The following WDR47 variants were observed in gnomAD, a reference collection of about 807,000 sequenced individuals.
The protein encoded by WDR47 is WD repeat-containing protein 47.
Under a neutral mutation model 97.2 loss-of-function variants are expected in WDR47, and 32 were observed. The ratio of observed to expected loss-of-function variants is 0.33; its 90% CI spans 0.25 to 0.44. The LOEUF is 0.44. WDR47 is among the 20% of genes least tolerant of loss of function. The probability of loss-of-function intolerance (pLI) is 1.00; values close to 1 mark genes in which losing one functional copy is unlikely to be tolerated. For missense variants in WDR47, 782 were observed against 1,102.3 expected, an observed-to-expected ratio of 0.71 and a Z score of 4.11; for synonymous variants, 375 against 373.5, an observed-to-expected ratio of 1.00 and a Z score of -0.05.
At chr1:108,982,131 G>GT (rs1658391288) in intron 12 of WDR47, among the ~76,000 whole-genome samples, 1 of 152,110 alleles carries the variant, frequency 6.6e-6, no homozygotes, top group South Asian at 2.1e-4. Context: ...TACAGGGCAA[G>GT]TGGTGGTCTG....
At chr1:108,999,104 G>A (rs778106740) in intron 7 of WDR47, among the ~76,000 whole-genome samples, 5 of 151,998 alleles carry the variant, frequency 3.3e-5, no homozygotes, top group African/African-American at 9.7e-5. Flanking sequence ...GGCAGTGCCT[G>A]TAATTCCAGC....
At position 108,974,533 on chromosome 1, in the gene WDR47, C is replaced by T; in HGVS notation, c.2617+3G>A. On this transcript the variant is annotated splice_donor_region_variant and intron_variant, in intron 14 of 14. Transcript: ENST00000369962. Reference sequence around the variant, plus strand: ...TAAAAACAGAGAAGTCGATCTCAATCACCTTGTAGGTCTGTCACCTTTATT... The same window carrying T: ...TAAAAACAGAGAAGTCGATCTCAATTACCTTGTAGGTCTGTCACCTTTATT... 1.2e-6 allele frequency: 2 copies of T among 1,612,690 alleles called. No homozygotes were observed. Among genetic ancestry groups the T allele is most frequent in the South Asian group, 1.1e-5 (1 of 90,916 alleles).
chr1:109,019,359 G>A (rs1276899663), intron 2 of WDR47, among the ~76,000 whole-genome samples: 1 of 148,304 alleles, frequency 6.7e-6, no homozygotes, highest in African/African-American at 2.5e-5. Context: ...GTCCAGCCTG[G>A]GCGACAGAGT....
chr1:109,008,968 C>A (rs1248855856), intron 5 of WDR47, among the ~76,000 whole-genome samples: 2 of 152,010 alleles, frequency 1.3e-5, no homozygotes, highest in Non-Finnish European at 2.9e-5. Context: ...GCCTGTAATC[C>A]CAGCTACTCG....
At chr1:109,008,701 A>G (rs906807297) in intron 5 of WDR47, among the ~76,000 whole-genome samples, 1 of 152,048 alleles carries the variant, frequency 6.6e-6, no homozygotes, top group Non-Finnish European at 1.5e-5. Context: ...TCCACTTCCC[A>G]GGTTCAAGCG....
At chr1:109,029,473 A>G (rs1662460973) in intron 1 of WDR47, among the ~76,000 whole-genome samples, 2 of 152,026 alleles carry the variant, frequency 1.3e-5, no homozygotes, top group African/African-American at 4.8e-5. Context: ...CAGCCTGGCC[A>G]ACATGATAAA....
chr1:108,982,473 A>C (rs1658421523), intron 12 of WDR47, 136 bp downstream of exon 12: 1 of 1,036,804 alleles, frequency 9.6e-7, no homozygotes, highest in African/African-American at 1.6e-5. Context: ...TTGAGGCCGC[A>C]GTGAGCTGTG....
At chr1:109,017,725 T>C (rs749282268) in intron 2 of WDR47, 124 bp from the exon 3 acceptor site, 1 of 766,770 alleles carries the variant, frequency 1.3e-6, no homozygotes, top group Non-Finnish European at 2.1e-6. Flanking sequence ...ACATTTTATT[T>C]GATTCCTCAA....
intron 13 of WDR47, 120 bp downstream of exon 13, chr1:108,981,613 T>C: frequency 5.1e-6 from 5 of 980,248 alleles, no homozygotes; most frequent in Non-Finnish European, 7.2e-6. Flanking sequence ...AAGTAACTAA[T>C]AAAATATCAA....
intron 1 of WDR47, among the ~76,000 whole-genome samples, chr1:109,027,896 C>G (rs547986334): frequency 2.0e-5 from 3 of 152,208 alleles, no homozygotes; most frequent in African/African-American, 4.8e-5. Flanking sequence ...CATAGTGAGA[C>G]CTTATCTCAA....
intron 13 of WDR47, among the ~76,000 whole-genome samples, chr1:108,976,455 T>C (rs1391140185): frequency 1.3e-5 from 2 of 151,996 alleles, no homozygotes; most frequent in Non-Finnish European, 2.9e-5. Flanking sequence ...ACAAAGTTTA[T>C]AGTGTCAACA....
chr1:108,983,464 A>C lies in WDR47; in HGVS notation c.1926-13T>G. On this transcript the variant is annotated splice_polypyrimidine_tract_variant and intron_variant, in intron 10 of 14. Coordinates refer to ENST00000369962, the MANE Select transcript of WDR47 (RefSeq NM_001142551.2). Reference sequence around the variant, plus strand: ...AGTCTCATGTGCACTGAAAAGAAAAATTACAGAAATATATTTCAATTTCTT... The same window carrying C: ...AGTCTCATGTGCACTGAAAAGAAAACTTACAGAAATATATTTCAATTTCTT... The C allele has an allele frequency of 2.0e-6, 3 of 1,532,688 alleles. No homozygotes were observed. The highest frequency in any genetic ancestry group is 1.3e-5 in the South Asian group (1 of 78,636). 94.9% of individuals were successfully genotyped at this position (1,532,688 alleles called of 1,614,324 possible). A position where few individuals can be genotyped will look rare whatever the true frequency, so the allele number is the denominator to read the frequency against.
chr1:109,040,478 G>A (rs956391344), intron 1 of WDR47, among the ~76,000 whole-genome samples: 2 of 151,542 alleles, frequency 1.3e-5, no homozygotes, highest in African/African-American at 4.9e-5. Context: ...ACCAGGAAGT[G>A]GACCAGTGGG....
chr1:109,034,430 TAGC>T (rs1662796619), intron 1 of WDR47, among the ~76,000 whole-genome samples: 2 of 152,232 alleles, frequency 1.3e-5, no homozygotes, highest in Non-Finnish European at 2.9e-5. Flanking sequence ...CTGTCCTTAA[TAGC>T]AGAATTGGTA....
chr1:109,005,140 T>G (rs1370270056), intron 5 of WDR47, among the ~76,000 whole-genome samples: 2 of 151,932 alleles, frequency 1.3e-5, no homozygotes, highest in African/African-American at 4.8e-5. Context: ...GGTGGCTCAC[T>G]CCTGTAATCC....
intron 5 of WDR47, among the ~76,000 whole-genome samples, chr1:109,005,208 C>G (rs1189349393): frequency 4.0e-5 from 6 of 151,804 alleles, no homozygotes; most frequent in African/African-American, 1.5e-4. Context: ...TCAAGACCAA[C>G]CTGGGTAACA....
intron 8 of WDR47, chr1:108,992,200 A>G: frequency 1.3e-6 from 1 of 742,220 alleles, no homozygotes; most frequent in Non-Finnish European, 2.4e-6. Flanking sequence ...AAGAAATTAG[A>G]TAATAAGAAA....
intron 1 of WDR47, among the ~76,000 whole-genome samples, chr1:109,041,356 G>A (rs1305815717): frequency 2.6e-5 from 4 of 152,166 alleles, no homozygotes; most frequent in East Asian, 3.9e-4. Flanking sequence ...ATGTGAGAAA[G>A]GCCAAAACCG....
At chr1:109,015,521 T>A (rs535669822) in intron 3 of WDR47, among the ~76,000 whole-genome samples, 10 of 151,724 alleles carry the variant, frequency 6.6e-5, no homozygotes, top group Non-Finnish European at 1.5e-4. Context: ...AGAGACAGGA[T>A]TTCGCCATGT....
Sources: gnomAD v4.1 joint callset for allele counts (sites outside exome capture counted in the v4.1 genomes callset) on GRCh38, gnomAD v4.1.1 for gene constraint, MANE v1.5 for transcripts, NCBI Gene and HGNC (gene_info 2026-07-23, HGNC 2026-07-21) for gene names.